TBC1D2B: variants seen among roughly 807,000 people sequenced by gnomAD.
The protein encoded by TBC1D2B is TBC1 domain family member 2B, also known as TBC1 domain family, member 2B.
In TBC1D2B, 64 loss-of-function variants were observed where a neutral mutation model predicts 100.8. The observed-to-expected ratio is 0.64, with a 90% confidence interval of 0.52 to 0.78. TBC1D2B has a LOEUF of 0.78. Ranked by LOEUF, TBC1D2B falls within the 30% of genes least tolerant of loss-of-function variation. TBC1D2B has a pLI of 0.00. For missense variants in TBC1D2B, 1,052 were observed against 1,218.4 expected (o/e 0.86, Z 2.03); for synonymous variants, 480 against 479.7 (o/e 1.00, Z -0.01).
intron 1 of TBC1D2B, among the ~76,000 whole-genome samples, chr15:78,062,014 T>C (rs1400481793): frequency 6.6e-6 from 1 of 152,148 alleles, no homozygotes; most frequent in African/African-American, 2.4e-5. Context: ...TGCACCATGA[T>C]GCACTAGACG....
chr15:78,060,610 G>C (rs188097093), intron 1 of TBC1D2B, among the ~76,000 whole-genome samples: 96 of 151,992 alleles, frequency 6.3e-4, no homozygotes, highest in African/African-American at 2.2e-3. Flanking sequence ...ACCCAGCCTG[G>C]GCGACAGAGC....
rs139043217 is a variant in TBC1D2B, at chr15:78,048,981, G to C, written c.515-3913C>G. Among the ~76,000 whole-genome samples, 639 of 152,340 alleles carry C rather than the reference G, an allele frequency of 4.2e-3. 12 individuals carry two copies. Among genetic ancestry groups the C allele is most frequent in the African/African-American group, 0.015 (623 of 41,562 alleles). On this transcript the variant is annotated intron_variant, in intron 2 of 12. Transcript: ENST00000300584. ...AAGGGTTGTACCCATATGCATCAAA[G>C]CACACAGCAAACGAAAGTCTGGGTG... is the stretch of plus-strand genomic sequence containing the variant.
chr15:78,064,919 C>T (rs1052692519), intron 1 of TBC1D2B, among the ~76,000 whole-genome samples: 3 of 152,176 alleles, frequency 2.0e-5, no homozygotes, highest in Non-Finnish European at 2.9e-5. Context: ...ATTCTCCTTT[C>T]GTATCTTTTA....
At chr15:78,019,644 T>C (rs1567018221) in intron 6 of TBC1D2B, among the ~76,000 whole-genome samples, 1 of 151,904 alleles carries the variant, frequency 6.6e-6, no homozygotes, top group East Asian at 1.9e-4. Context: ...TCCCAGCACT[T>C]TGGGAGGCCA....
At chr15:78,046,213 T>G (rs1567028390) in intron 2 of TBC1D2B, among the ~76,000 whole-genome samples, 1 of 152,234 alleles carries the variant, frequency 6.6e-6, no homozygotes, top group Non-Finnish European at 1.5e-5. Context: ...ATTACAGGCA[T>G]GAGCCACTGT....
At chr15:78,011,990 G>T (rs1281145427) in intron 9 of TBC1D2B, among the ~76,000 whole-genome samples, 1 of 152,040 alleles carries the variant, frequency 6.6e-6, no homozygotes, top group African/African-American at 2.4e-5. Context: ...GCCCAGGCTG[G>T]TTTCAAACTC....
At chr15:78,027,232 C>T (rs1037840239) in intron 4 of TBC1D2B, among the ~76,000 whole-genome samples, 4 of 152,010 alleles carry the variant, frequency 2.6e-5, no homozygotes, top group South Asian at 2.1e-4. Context: ...TTCCCTGGGG[C>T]GGGGTAGTGA....
At chr15:78,064,338 T>G (rs1286089463) in intron 1 of TBC1D2B, among the ~76,000 whole-genome samples, 3 of 152,150 alleles carry the variant, frequency 2.0e-5, no homozygotes, top group African/African-American at 7.2e-5. Flanking sequence ...TCCTACCATG[T>G]TTATTAGCCA....
intron 3 of TBC1D2B, among the ~76,000 whole-genome samples, chr15:78,033,974 G>A (rs185213101): frequency 3.9e-4 from 60 of 152,298 alleles, no homozygotes; most frequent in Admixed American, 1.3e-3. Context: ...CTTTAACAAA[G>A]AGTCACCAGA....
Position 78,061,643 on chromosome 15 carries a change from A to G in TBC1D2B, c.361-7456T>C, listed in dbSNP as rs2041898129. 2.7e-5 allele frequency among the ~76,000 whole-genome samples: 4 copies of G among 149,798 alleles called. No individual in the cohort carries two copies. The South Asian group carries it at 8.3e-4, about 31-fold the overall frequency. On this transcript the variant is annotated intron_variant, in intron 1 of 12. Coordinates refer to ENST00000300584, the MANE Select transcript of TBC1D2B (RefSeq NM_144572.2). ...TAGGACAACTGGTCAAATACCTGGA[A>G]AAAAAATAAGTGATGCCCTGGGTGA...
rs952112023 is a variant in TBC1D2B at position 78,054,206 on chromosome 15, A to T, written c.361-19T>A. On this transcript the variant is annotated intron_variant, in intron 1 of 12. Coordinates refer to ENST00000300584, the MANE Select transcript of TBC1D2B (RefSeq NM_144572.2). Reference sequence around the variant, plus strand: ...TGGGAGCCTAGAAAGAGGGAGGGGAAAAACATGTTATGGCCACCAGTAATA... The same window carrying T: ...TGGGAGCCTAGAAAGAGGGAGGGGATAAACATGTTATGGCCACCAGTAATA... 1.2e-6 allele frequency: 2 copies of T among 1,607,548 alleles called. No individual in the cohort carries two copies. The highest frequency in any genetic ancestry group is 2.7e-5 in the African/African-American group (2 of 74,536).
intron 3 of TBC1D2B, among the ~76,000 whole-genome samples, chr15:78,042,764 T>A (rs758482796): frequency 6.6e-6 from 1 of 152,204 alleles, no homozygotes; most frequent in Admixed American, 6.5e-5. Flanking sequence ...AAAGTGCTAA[T>A]ACTGGGAACA....
intron 3 of TBC1D2B, among the ~76,000 whole-genome samples, chr15:78,041,639 G>T (rs546244610): frequency 1.3e-5 from 2 of 152,192 alleles, no homozygotes; most frequent in African/African-American, 2.4e-5. Context: ...ACTAAAGTCT[G>T]TCTGTGCACC....
At chr15:78,028,208 C>T (rs2072720582) in intron 4 of TBC1D2B, among the ~76,000 whole-genome samples, 1 of 152,186 alleles carries the variant, frequency 6.6e-6, no homozygotes, top group Non-Finnish European at 1.5e-5. Flanking sequence ...GGCACGGTGG[C>T]TCATGGCTGT....
intron 7 of TBC1D2B, chr15:78,016,984 A>G: frequency 2.4e-6 from 1 of 420,648 alleles, no homozygotes; most frequent in Non-Finnish European, 4.3e-6. Flanking sequence ...ATGCCAACAA[A>G]TGCATCACCT....
chr15:78,066,079 G>A (rs1030843532), intron 1 of TBC1D2B: 5 of 470,918 alleles, frequency 1.1e-5, no homozygotes, highest in Admixed American at 2.3e-5. Flanking sequence ...AATACCGAAA[G>A]ATGCCAAGTG....
At chr15:78,025,685 C>A (rs941898627) in intron 4 of TBC1D2B, 188 bp from the exon 5 acceptor site, 6 of 376,790 alleles carry the variant, frequency 1.6e-5, no homozygotes, top group Non-Finnish European at 4.7e-6. Context: ...CGCCACCATG[C>A]CTGGCTAATT....
intron 3 of TBC1D2B, chr15:78,034,787 A>G (rs1384737304): frequency 9.3e-6 from 9 of 969,692 alleles, no homozygotes; most frequent in Non-Finnish European, 9.8e-6. Context: ...AGCCTCTTGA[A>G]GCTGAAACAG....
intron 1 of TBC1D2B, among the ~76,000 whole-genome samples, chr15:78,059,273 C>T (rs916832396): frequency 2.0e-5 from 3 of 152,236 alleles, no homozygotes; most frequent in Non-Finnish European, 4.4e-5. Flanking sequence ...GGTCTCAATA[C>T]GATCCAAGAT....
Sources: allele counts gnomAD v4.1 joint callset (sites outside exome capture counted in the v4.1 genomes callset), GRCh38; gene constraint gnomAD v4.1.1; transcripts MANE v1.5; gene names NCBI Gene and HGNC (gene_info 2026-07-23, HGNC 2026-07-21).